ELAC2: variants seen among roughly 807,000 people sequenced by gnomAD.
ELAC2 encodes the protein zinc phosphodiesterase ELAC protein 2.
Under a neutral mutation model 105.2 loss-of-function variants are expected in ELAC2, and 92 were observed. That is an observed-to-expected ratio of 0.87 (90% CI 0.74 to 1.04). ELAC2 has a LOEUF of 1.04. Among genes scored for constraint, ELAC2 ranks in the 50% least tolerant of loss-of-function variants. The pLI is 0.00. For synonymous variants in ELAC2, 468 were observed against 409.1 expected, an observed-to-expected ratio of 1.14 and a Z score of -1.74; for missense variants, 1,099 against 1,071.7, an observed-to-expected ratio of 1.03 and a Z score of -0.36.
chr17:13,013,155 C>G (rs2041516848), intron 6 of ELAC2, 52 bp downstream of exon 6: 2 of 1,597,492 alleles, frequency 1.3e-6, no homozygotes, highest in East Asian at 2.2e-5. Flanking sequence ...TCCATGTTTT[C>G]TTTACTCAGG....
chr17:13,011,967 T>C (rs1474484323), intron 6 of ELAC2, among the ~76,000 whole-genome samples, 185 bp from the exon 7 acceptor site: 2 of 152,216 alleles, frequency 1.3e-5, no homozygotes, highest in Non-Finnish European at 2.9e-5. Context: ...GTCCTATTAA[T>C]GTTTATGTTT....
chr17:13,011,416 A>G (rs1424996099), intron 7 of ELAC2, among the ~76,000 whole-genome samples: 3 of 152,204 alleles, frequency 2.0e-5, no homozygotes, highest in Non-Finnish European at 4.4e-5. Context: ...AAAACAGAAC[A>G]CAGTTTTGGG....
intron 11 of ELAC2, chr17:13,004,028 G>A: frequency 4.9e-6 from 1 of 204,600 alleles, no homozygotes; most frequent in South Asian, 8.1e-5. Flanking sequence ...CACGAGAAAT[G>A]AAAATCATCT....
chr17:13,009,201 T>C (rs1051732791), intron 8 of ELAC2, among the ~76,000 whole-genome samples: 19 of 152,196 alleles, frequency 1.2e-4, no homozygotes, highest in Admixed American at 8.5e-4. Context: ...AATAAATCGA[T>C]AGAAATGATA....
At chr17:13,016,664 C>T (rs2041741222) in intron 3 of ELAC2, among the ~76,000 whole-genome samples, 198 bp downstream of exon 3, 1 of 148,414 alleles carries the variant, frequency 6.7e-6, no homozygotes. Flanking sequence ...CGTGTGGTCC[C>T]AGCTATTTGG....
rs76249486 is a variant in ELAC2 at position 13,000,440 on chromosome 17, G to A, written c.1305-166C>T. On this transcript the variant is annotated intron_variant, in intron 14 of 23. Transcript: ENST00000338034. ...GGATCTGGGGCAGGTCTGCTCCACCGCCTTTTGGATGCTGCATCGCTCTGC... is the reference window on the plus strand; with the variant it reads ...GGATCTGGGGCAGGTCTGCTCCACCACCTTTTGGATGCTGCATCGCTCTGC... The A allele has an allele frequency of 4.8e-4, 333 of 696,230 alleles. No individual in the cohort carries two copies. In the East Asian group the frequency reaches 7.1e-3, roughly 15 times the overall value. 43.1% of individuals were successfully genotyped at this position (696,230 alleles called of 1,614,324 possible). A position where few individuals can be genotyped will look rare whatever the true frequency, so the allele number is the denominator to read the frequency against.
chr17:13,005,017 G>A lies in ELAC2; in HGVS notation c.955C>T (p.Pro319Ser), dbSNP rs988650764. The change falls in exon 11 of 24, where the codon CCC becomes TCC. Residue 319 changes from proline (P) to serine (S), a missense_variant. By Grantham distance (74) the Pro-to-Ser change is moderately conservative (BLOSUM62 -1). Coordinates refer to ENST00000338034, the MANE Select transcript of ELAC2 (RefSeq NM_018127.7). ...VECPDESFIQ[P>S]ICENATFQRY... ...TGAAAGGTGGCATTCTCACAGATGGGTTGAATGAAGCTTTCATCTGGACAT... is the reference window on the plus strand; with the variant it reads ...TGAAAGGTGGCATTCTCACAGATGGATTGAATGAAGCTTTCATCTGGACAT... 4 of 1,614,076 alleles carry A rather than the reference G, an allele frequency of 2.5e-6. No individual in the cohort carries two copies. The highest frequency in any genetic ancestry group is 2.5e-6 in the Non-Finnish European group (3 of 1,179,964).
chr17:13,009,095 C>T (rs1281780520), intron 8 of ELAC2, among the ~76,000 whole-genome samples: 1 of 152,106 alleles, frequency 6.6e-6, no homozygotes, highest in Non-Finnish European at 1.5e-5. Context: ...ATTTTTAAAA[C>T]TTTAAAAAAT....
chr17:12,998,625 G>C (rs1177411835), intron 15 of ELAC2, 117 bp from the exon 16 acceptor site: 4 of 982,752 alleles, frequency 4.1e-6, no homozygotes. Context: ...ACCTCATGTG[G>C]AAACGTGCTC....
At chr17:13,013,057 C>A (rs2041508330) in intron 6 of ELAC2, 150 bp downstream of exon 6, 2 of 839,404 alleles carry the variant, frequency 2.4e-6, no homozygotes, top group Non-Finnish European at 4.0e-6. Context: ...AGGGCAGGAG[C>A]CATATCTTCA....
In ELAC2 at chr17:13,017,999, T is replaced by G. The variant is rs538126805; in HGVS notation, c.-52A>C. 1 of 1,533,792 alleles carries G rather than the reference T, an allele frequency of 6.5e-7. No homozygotes were observed. The highest frequency in any genetic ancestry group is 8.7e-7 in the Non-Finnish European group (1 of 1,146,552). On this transcript the variant is annotated 5_prime_UTR_variant, in exon 1 of 24. Coordinates refer to ENST00000338034, the MANE Select transcript of ELAC2 (RefSeq NM_018127.7). ...AGCCGCCGGTCACCTACGCCCGCGT[T>G]TCCCGTGCACCACCTAGCCGCTCCG... is the stretch of plus-strand genomic sequence containing the variant.
rs1000361851 is a variant in ELAC2 at position 13,002,565 on chromosome 17, G to A, written c.1094C>T (p.Thr365Ile). 2.5e-6 allele frequency: 4 copies of A among 1,602,818 alleles called. No individual in the cohort carries two copies. The highest frequency in any genetic ancestry group is 8.5e-7 in the Non-Finnish European group (1 of 1,173,598). Residue 365 changes from threonine to isoleucine, a missense_variant, in exon 13 of 24, where the codon ACC (threonine) becomes ATC (isoleucine). Thr to Ile is a moderately conservative substitution (Grantham distance 89). Coordinates refer to ENST00000338034, the MANE Select transcript of ELAC2 (RefSeq NM_018127.7). ...QQWMERFGPDTQHLVLNENCA... is the reference protein window; with the variant it reads ...QQWMERFGPDIQHLVLNENCA... ...GTTCTCATTCAGGACCAAGTGCTGG[G>A]TGTCAGGCCCAAACCTGTGAAGAAA...
In ELAC2 at chr17:12,996,437, A is replaced by G. The variant is rs2040471831; in HGVS notation, c.1659+110T>C. 7 of 1,555,848 alleles carry G rather than the reference A, an allele frequency of 4.5e-6. No homozygotes were observed. In the Admixed American group the frequency reaches 8.4e-5, roughly 19 times the overall value. On this transcript the variant is annotated intron_variant, in intron 17 of 23. Transcript: ENST00000338034. Reference sequence around the variant, plus strand: ...CATTTCCTAGCCAGAGATGAGTAACAAAAGCTCTGGGCAAGTTTGGAAGCG... The same window carrying G: ...CATTTCCTAGCCAGAGATGAGTAACGAAAGCTCTGGGCAAGTTTGGAAGCG...
rs752923351 is a variant in ELAC2, at chr17:12,993,822, G to C, written c.2118C>G (p.Ser706=). 3.7e-6 allele frequency: 6 copies of C among 1,614,186 alleles called. No individual in the cohort carries two copies. Among genetic ancestry groups the C allele is most frequent in the East Asian group, 4.5e-5 (2 of 44,884 alleles). The change falls in exon 23 of 24, where the codon TCC becomes TCG. Residue 706 remains serine, a synonymous_variant. Transcript: ENST00000338034. The part of the protein sequence containing the change: ...EAVEKTHSTT[S]QAISVGMRMN... ...TCCGCATCCCCACGCTGATGGCTTG[G>C]GACGTTGTGCTGCAGGTGAAGGACA...
rs1410995869 is a variant in ELAC2 at position 13,000,752 on chromosome 17, G to A, written c.1305-478C>T. 4 of 208,664 alleles carry A rather than the reference G, an allele frequency of 1.9e-5. No homozygotes were observed. The East Asian group carries it at 3.7e-4, about 19-fold the overall frequency. 12.9% of individuals were successfully genotyped at this position (208,664 alleles called of 1,614,324 possible). A position where few individuals can be genotyped will look rare whatever the true frequency, so the allele number is the denominator to read the frequency against. On this transcript the variant is annotated intron_variant, in intron 14 of 23. Transcript: ENST00000338034. Reference sequence around the variant, plus strand: ...CAGAAGCCAGTTCGGCAGCTCTGCAGTGAGGCCTGAGATCCCACTTTCCTA... The same window carrying A: ...CAGAAGCCAGTTCGGCAGCTCTGCAATGAGGCCTGAGATCCCACTTTCCTA...
chr17:13,003,212 G>C (rs1018231725), intron 12 of ELAC2, among the ~76,000 whole-genome samples: 1 of 152,174 alleles, frequency 6.6e-6, no homozygotes, highest in Non-Finnish European at 1.5e-5. Context: ...TCAACCAAAC[G>C]GCAGTATTTG....
chr17:12,992,917 G>A lies in ELAC2; in HGVS notation c.2382C>T (p.Leu794=), dbSNP rs1448744798. 1 of 1,611,624 alleles carries A rather than the reference G, an allele frequency of 6.2e-7. No homozygotes were observed. Among genetic ancestry groups the A allele is most frequent in the Admixed American group, 1.7e-5 (1 of 60,022 alleles). ...KRELRQVRAA[L]LSRELAGGLE... is the part of the protein sequence containing the mutation. ...GGCCGCCTGCCAGCTCCCTGGACAG[G>A]AGGGCCGCCCGCACCTGCCGCAGCT... The change falls in exon 24 of 24, where the codon CTC becomes CTT. Residue 794 remains leucine, a synonymous_variant. Transcript: ENST00000338034.
At chr17:13,002,242 A>G (rs750590867) in intron 14 of ELAC2, 32 bp downstream of exon 14, 9 of 1,611,490 alleles carry the variant, frequency 5.6e-6, no homozygotes, top group Non-Finnish European at 4.2e-6. Context: ...AACTCGACTG[A>G]GACGATTCCA....
At chr17:12,993,371 C>T (rs1364662404) in intron 23 of ELAC2, among the ~76,000 whole-genome samples, 1 of 152,212 alleles carries the variant, frequency 6.6e-6, no homozygotes, top group Non-Finnish European at 1.5e-5. Context: ...CCTGGCTTTC[C>T]CACTCACAAG....
Sources: gnomAD v4.1 joint callset for allele counts (sites outside exome capture counted in the v4.1 genomes callset) on GRCh38, gnomAD v4.1.1 for gene constraint, MANE v1.5 for transcripts, NCBI Gene and HGNC (gene_info 2026-07-23, HGNC 2026-07-21) for gene names.